PDE2A: variants seen among roughly 807,000 people sequenced by gnomAD.
PDE2A encodes the protein phosphodiesterase 2A.
PDE2A carries 53 observed loss-of-function variants against 133.6 expected under a neutral mutation model. That is an observed-to-expected ratio of 0.40 (90% CI 0.32 to 0.50). PDE2A has a LOEUF of 0.50. PDE2A is among the 20% of genes least tolerant of loss of function. The pLI is 0.73. For synonymous variants in PDE2A, 491 were observed against 490.2 expected (o/e 1.00, Z -0.02); for missense variants, 796 against 1,232.4 (o/e 0.65, Z 5.30).
intron 2 of PDE2A, among the ~76,000 whole-genome samples, chr11:72,614,400 A>G (rs1330178565): frequency 6.6e-6 from 1 of 152,134 alleles, no homozygotes; most frequent in Admixed American, 6.5e-5. Flanking sequence ...AACTAGCCCA[A>G]CTGTCAGTGT....
At chr11:72,579,991 C>T (rs1010219733) in intron 25 of PDE2A, 23 of 216,990 alleles carry the variant, frequency 1.1e-4, no homozygotes, top group South Asian at 3.7e-4. Context: ...CCCCCATTTC[C>T]GGATGCTGAA....
At position 72,590,530 on chromosome 11, in the gene PDE2A, C is replaced by T; in HGVS notation, c.600G>A (p.Arg200=). ...GGTTCTGGACGGCTCGGGGAGCCTC[C>T]CTGGGCCCGCGCTGCTGCAGGACCT... is the stretch of plus-strand genomic sequence containing the variant. ...RVQVLQQRGP[R]EAPRAVQNPP... is the part of the protein sequence containing the mutation. The change falls in exon 8 of 31, where the codon AGG becomes AGA. Residue 200 remains arginine, a synonymous_variant. Coordinates refer to ENST00000334456, the MANE Select transcript of PDE2A (RefSeq NM_002599.5). The surrounding 1 kb of genome is among the most constrained non-coding windows in gnomAD (Gnocchi z 4.8). 6.9e-7 allele frequency: 1 copy of T among 1,451,150 alleles called. No individual in the cohort carries two copies. The highest frequency in any genetic ancestry group is 9.0e-7 in the Non-Finnish European group (1 of 1,108,034). The allele number at this position is 1,451,150 out of a possible 1,614,324, so 89.9% of individuals were successfully genotyped here. A position where few individuals can be genotyped will look rare whatever the true frequency, so the allele number is the denominator to read the frequency against.
In PDE2A at chr11:72,597,495, G is replaced by A. The variant is rs756615892; in HGVS notation, c.433+15C>T. 9.4e-6 allele frequency: 14 copies of A among 1,492,878 alleles called. No individual in the cohort carries two copies. In the South Asian group the frequency reaches 1.4e-4, roughly 14 times the overall value. The allele number at this position is 1,492,878 out of a possible 1,614,324, so 92.5% of individuals were successfully genotyped here. A position where few individuals can be genotyped will look rare whatever the true frequency, so the allele number is the denominator to read the frequency against. ...CTGCCCCTGCCCCTGCCCCTGCCCAGCCCCTAGCCCTTACCTTGGGTATCA... is the reference window on the plus strand; with the variant it reads ...CTGCCCCTGCCCCTGCCCCTGCCCAACCCCTAGCCCTTACCTTGGGTATCA... On this transcript the variant is annotated intron_variant, in intron 5 of 30. Coordinates refer to ENST00000334456, the MANE Select transcript of PDE2A (RefSeq NM_002599.5). The surrounding 1 kb of genome is among the most constrained non-coding windows in gnomAD (Gnocchi z 4.6).
intron 1 of PDE2A, among the ~76,000 whole-genome samples, chr11:72,660,433 A>C (rs1341791177): frequency 1.3e-5 from 2 of 152,164 alleles, no homozygotes; most frequent in Non-Finnish European, 2.9e-5. Flanking sequence ...GCAAGGACTC[A>C]CTAGGCACCT....
rs1591044750 is a variant in PDE2A at position 72,597,529 on chromosome 11, T to C, written c.414A>G (p.Pro138=). 6.2e-7 allele frequency: 1 copy of C among 1,606,420 alleles called. No individual in the cohort carries two copies. Among genetic ancestry groups the C allele is most frequent in the African/African-American group, 1.3e-5 (1 of 74,932 alleles). ...CCTTACCTTGGGTATCAGGAGCCAGTGGAGCCACCAGCCTGGCCAAGGGCT... is the reference window on the plus strand; with the variant it reads ...CCTTACCTTGGGTATCAGGAGCCAGCGGAGCCACCAGCCTGGCCAAGGGCT... ...PGKPLARLVA[P]LAPDTQVLVM... The change falls in exon 5 of 31, where the codon CCA becomes CCG. Residue 138 remains proline (P), a synonymous_variant. Transcript: ENST00000334456. This position sits in a 1 kb window ranked among gnomAD's most constrained non-coding sequence, Gnocchi z 4.6.
intron 1 of PDE2A, among the ~76,000 whole-genome samples, chr11:72,663,337 G>T (rs1239641480): frequency 1.3e-5 from 2 of 152,222 alleles, no homozygotes; most frequent in Non-Finnish European, 2.9e-5. Context: ...GTGCTGCCCA[G>T]ATACAGAGCG....
Position 72,578,613 on chromosome 11 carries a change from A to C in PDE2A, c.2470-99T>G. On this transcript the variant is annotated intron_variant, in intron 28 of 30. Coordinates refer to ENST00000334456, the MANE Select transcript of PDE2A (RefSeq NM_002599.5). The surrounding 1 kb of genome is among the most constrained non-coding windows in gnomAD (Gnocchi z 4.2). ...CAGGAGAGAAAACTGAGGCCCAGGG[A>C]TTCAGTCCCAGCTCAGGAGCCGTCC... 2 of 1,056,498 alleles carry C rather than the reference A, an allele frequency of 1.9e-6. No individual in the cohort carries two copies. The highest frequency in any genetic ancestry group is 2.9e-6 in the Non-Finnish European group (2 of 682,720). 65.4% of individuals were successfully genotyped at this position (1,056,498 alleles called of 1,614,324 possible).
At chr11:72,664,494 C>A (rs1436659488) in intron 1 of PDE2A, among the ~76,000 whole-genome samples, 2 of 149,946 alleles carry the variant, frequency 1.3e-5, no homozygotes, top group African/African-American at 2.5e-5. Context: ...CTGCCTCAGC[C>A]TCCCGAGTAG....
At chr11:72,640,243 C>T (rs771097013) in intron 2 of PDE2A, among the ~76,000 whole-genome samples, 15 of 151,986 alleles carry the variant, frequency 9.9e-5, no homozygotes, top group African/African-American at 1.5e-4. Context: ...AAATTCAATA[C>T]GCACGCCACC....
chr11:72,626,361 G>C (rs971834108), intron 2 of PDE2A, among the ~76,000 whole-genome samples: 2 of 152,224 alleles, frequency 1.3e-5, no homozygotes, highest in Admixed American at 6.5e-5. Context: ...CAGGGGCACA[G>C]ACAGATGGCA....
intron 14 of PDE2A, among the ~76,000 whole-genome samples, 194 bp downstream of exon 14, chr11:72,585,876 A>G (rs916159037): frequency 1.5e-4 from 23 of 152,206 alleles, no homozygotes; most frequent in African/African-American, 5.3e-4. Context: ...CTAGAGGGCG[A>G]TCACATACAG....
chr11:72,634,215 G>T (rs1513779), intron 2 of PDE2A, among the ~76,000 whole-genome samples: 1 of 152,178 alleles, frequency 6.6e-6, no homozygotes. Context: ...GCCCGGGGAG[G>T]CACACTTCTG....
chr11:72,577,794 G>A (rs1855534437), intron 30 of PDE2A, among the ~76,000 whole-genome samples, 200 bp from the exon 31 acceptor site: 1 of 152,152 alleles, frequency 6.6e-6, no homozygotes. Context: ...CCAAAATGGT[G>A]AAGCCCCATC....
chr11:72,631,002 G>GCAC, intron 2 of PDE2A: 1 of 1,216,068 alleles, frequency 8.2e-7, no homozygotes, highest in East Asian at 2.6e-5. Flanking sequence ...AAGGGGGAGG[G>GCAC]CACCACTCAG....
Position 72,584,679 on chromosome 11 carries a change from G to T in PDE2A, c.1409C>A (p.Ala470Glu). ...PADQGIAGHVATTGQILNIPD... is the reference protein window; with the variant it reads ...PADQGIAGHVETTGQILNIPD... Reference sequence around the variant, plus strand: ...GATGTTCAGGATCTGGCCCGTGGTCGCCACGTGTCCCGCGATGCCCTGATC... The same window carrying T: ...GATGTTCAGGATCTGGCCCGTGGTCTCCACGTGTCCCGCGATGCCCTGATC... The change falls in exon 18 of 31, where the codon GCG (alanine) becomes GAG (glutamate). Residue 470 changes from alanine to glutamate, a missense_variant. Around this residue, in one of 7 missense-constraint regions of PDE2A, gnomAD observed 218 missense variants for 465.9 expected, o/e 0.47. Transcript: ENST00000334456. 6.2e-7 allele frequency: 1 copy of T among 1,613,282 alleles called. No homozygotes were observed. The highest frequency in any genetic ancestry group is 8.5e-7 in the Non-Finnish European group (1 of 1,180,002).
chr11:72,617,335 G>C (rs186088385), intron 2 of PDE2A, among the ~76,000 whole-genome samples: 89 of 152,316 alleles, frequency 5.8e-4, no homozygotes, highest in Non-Finnish European at 1.1e-3. Flanking sequence ...CGGGAGGCAA[G>C]CCCAGCCATG....
At chr11:72,636,944 A>G (rs61895574) in intron 2 of PDE2A, among the ~76,000 whole-genome samples, 1 of 152,246 alleles carries the variant, frequency 6.6e-6, no homozygotes, top group Middle Eastern at 3.4e-3. Context: ...GTCCTGCACC[A>G]TCTGGCTGGG....
chr11:72,650,531 GC>G (rs971119001), intron 1 of PDE2A, among the ~76,000 whole-genome samples: 4 of 151,728 alleles, frequency 2.6e-5, no homozygotes, highest in African/African-American at 9.7e-5. Context: ...ATCCCCCCGT[GC>G]CCCACCTCAC....
intron 20 of PDE2A, 45 bp downstream of exon 20, chr11:72,583,393 C>A: frequency 7.4e-7 from 1 of 1,355,934 alleles, no homozygotes; most frequent in Non-Finnish European, 1.1e-6. Context: ...GCCCTGGGTC[C>A]CCGGGGAATC....
Sources: allele counts gnomAD v4.1 joint callset (sites outside exome capture counted in the v4.1 genomes callset), GRCh38; gene constraint gnomAD v4.1.1; regional missense constraint gnomAD v4.1.1; non-coding constraint Gnocchi (gnomAD v3.1); transcripts MANE v1.5; gene names NCBI Gene and HGNC (gene_info 2026-07-23, HGNC 2026-07-21).